Variants in INPP4B observed in about 807,000 individuals in gnomAD.
INPP4B encodes the protein inositol polyphosphate 4-phosphatase type II.
A neutral mutation model predicts 122.5 loss-of-function variants in INPP4B; 55 were observed. That is an observed-to-expected ratio of 0.45 (90% CI 0.36 to 0.56). The LOEUF is 0.56. Ranked by LOEUF, INPP4B falls within the 20% of genes least tolerant of loss-of-function variation. The pLI, the probability that INPP4B is intolerant of heterozygous loss-of-function variation, is 0.00. For missense variants in INPP4B, 1,000 were observed against 1,097.7 expected, an observed-to-expected ratio of 0.91 and a Z score of 1.26; for synonymous variants, 403 against 388.7, an observed-to-expected ratio of 1.04 and a Z score of -0.43.
At chr4:142,534,826 C>T (rs888761259) in intron 2 of INPP4B, among the ~76,000 whole-genome samples, 6 of 151,866 alleles carry the variant, frequency 4.0e-5, no homozygotes, top group Middle Eastern at 3.4e-3. Context: ...TTCCTTTTTA[C>T]GTTTTTATGA....
At chr4:142,350,064 G>A (rs148412651) in intron 7 of INPP4B, among the ~76,000 whole-genome samples, 33 of 151,928 alleles carry the variant, frequency 2.2e-4, no homozygotes, top group African/African-American at 6.5e-4. Flanking sequence ...CTACCTCTTC[G>A]GCGCTTAGAA....
intron 11 of INPP4B, among the ~76,000 whole-genome samples, chr4:142,249,018 T>C (rs1446188237): frequency 1.3e-5 from 2 of 151,896 alleles, no homozygotes; most frequent in East Asian, 1.9e-4. Flanking sequence ...AAAACAACAA[T>C]AGTAGGTGGT....
chr4:142,267,241 G>A (rs1743251256), intron 10 of INPP4B, among the ~76,000 whole-genome samples: 1 of 152,134 alleles, frequency 6.6e-6, no homozygotes, highest in Non-Finnish European at 1.5e-5. Flanking sequence ...AAAAGAGCTT[G>A]AAGAGTCAAA....
intron 1 of INPP4B, among the ~76,000 whole-genome samples, chr4:142,808,846 A>G (rs1396485577): frequency 6.6e-6 from 1 of 152,154 alleles, no homozygotes; most frequent in Non-Finnish European, 1.5e-5. Context: ...AAAATCATCT[A>G]TATCTTTTAG....
chr4:142,237,145 A>G (rs1857011047), intron 12 of INPP4B, among the ~76,000 whole-genome samples: 1 of 152,136 alleles, frequency 6.6e-6, no homozygotes. Context: ...TTAGCATAGC[A>G]TGTTTTATTC....
chr4:142,231,705 G>A (rs1239294836), intron 12 of INPP4B, among the ~76,000 whole-genome samples: 1 of 151,918 alleles, frequency 6.6e-6, no homozygotes, highest in Admixed American at 6.6e-5. Flanking sequence ...CCACTCCCTT[G>A]GAAAAGTAGA....
chr4:142,629,642 C>T (rs1248302655), intron 2 of INPP4B, among the ~76,000 whole-genome samples: 1 of 151,876 alleles, frequency 6.6e-6, no homozygotes. Context: ...CAATATAGAG[C>T]CATGAAAAAA....
chr4:142,376,383 C>A lies in INPP4B; in HGVS notation c.372+26555G>T, dbSNP rs79167934. Among the ~76,000 whole-genome samples, 654 of 152,070 alleles carry A rather than the reference C, an allele frequency of 4.3e-3. 4 individuals are homozygous for A. The highest frequency in any genetic ancestry group is 0.015 in the African/African-American group (643 of 41,530). On this transcript the variant is annotated intron_variant, in intron 7 of 25. Transcript: ENST00000262992. ...AAGTCACATATATAACCCAGCTAAC[C>A]TAAAACAGGCACCAAATGATACTGA...
At chr4:142,064,337 C>T (rs1376195262) in intron 25 of INPP4B, among the ~76,000 whole-genome samples, 1 of 152,114 alleles carries the variant, frequency 6.6e-6, no homozygotes. Flanking sequence ...AGATGAAACT[C>T]ATCAAATGCT....
chr4:142,398,575 A>G (rs1157892362), intron 7 of INPP4B, among the ~76,000 whole-genome samples: 1 of 150,952 alleles, frequency 6.6e-6, no homozygotes, highest in Non-Finnish European at 1.5e-5. Context: ...CAACAGGTAT[A>G]GTTAGACTTA....
rs542296349 is a variant in INPP4B at position 142,293,345 on chromosome 4, G to A, written c.503+12113C>T. On this transcript the variant is annotated intron_variant, in intron 9 of 25. Transcript: ENST00000262992. ...CATTTCTATTAAGCTTAAGTACATC[G>A]ATCAGGGAACTTAGCGGATCAACCA... 9.9e-5 allele frequency among the ~76,000 whole-genome samples: 15 copies of A among 151,868 alleles called. No homozygotes were observed. In the South Asian group the frequency reaches 2.9e-3, roughly 30 times the overall value.
chr4:142,567,528 G>T (rs1731889698), intron 2 of INPP4B, among the ~76,000 whole-genome samples: 1 of 152,072 alleles, frequency 6.6e-6, no homozygotes, highest in African/African-American at 2.4e-5. Context: ...CTGTAGAAAA[G>T]GTAGAATGAA....
Position 142,749,131 on chromosome 4 carries a change from T to A in INPP4B, c.-253-23230A>T, listed in dbSNP as rs909562406. 4.7e-5 allele frequency among the ~76,000 whole-genome samples: 7 copies of A among 148,714 alleles called. No homozygotes were observed. In the East Asian group the frequency reaches 1.2e-3, roughly 25 times the overall value. Reference sequence around the variant, plus strand: ...TCCAGCCTGAGTGACAGAACAAGACTCTGTCTCAAATATATATATATATAA... The same window carrying A: ...TCCAGCCTGAGTGACAGAACAAGACACTGTCTCAAATATATATATATATAA... On this transcript the variant is annotated intron_variant, in intron 1 of 25. Coordinates refer to ENST00000262992, the MANE Select transcript of INPP4B (RefSeq NM_001101669.3).
intron 9 of INPP4B, among the ~76,000 whole-genome samples, chr4:142,297,207 T>C (rs1759128179): frequency 6.6e-6 from 1 of 152,244 alleles, no homozygotes; most frequent in Non-Finnish European, 1.5e-5. Context: ...ATATTTCTTT[T>C]GCTGGTAGCT....
chr4:142,672,297 T>C (rs138672800), intron 2 of INPP4B, among the ~76,000 whole-genome samples: 303 of 152,286 alleles, frequency 2.0e-3, no homozygotes, highest in Non-Finnish European at 3.3e-3. Flanking sequence ...GTAAGTTTAC[T>C]TTTACAAGAA....
Position 142,462,403 on chromosome 4 carries a change from A to G in INPP4B, c.-127+260T>C, listed in dbSNP as rs186975300. Among the ~76,000 whole-genome samples, 656 of 152,312 alleles carry G rather than the reference A, an allele frequency of 4.3e-3. 3 individuals are homozygous for G. Among genetic ancestry groups the G allele is most frequent in the Non-Finnish European group, 6.7e-3 (458 of 68,016 alleles). On this transcript the variant is annotated intron_variant, in intron 3 of 25. Transcript: ENST00000262992. ...ATATGCATTAATTTAATAATAAGTA[A>G]TAATATTAATTTCTTAATTTCTTAA...
intron 7 of INPP4B, among the ~76,000 whole-genome samples, chr4:142,342,931 C>A (rs1241206527): frequency 6.6e-6 from 1 of 152,060 alleles, no homozygotes; most frequent in Non-Finnish European, 1.5e-5. Context: ...TAGTTAGTGG[C>A]CTCATTCCAA....
intron 5 of INPP4B, among the ~76,000 whole-genome samples, chr4:142,410,941 T>C (rs1275330807): frequency 6.6e-6 from 1 of 152,340 alleles, no homozygotes; most frequent in East Asian, 1.9e-4. Context: ...CTTTTTTCAA[T>C]AAAAGCATTT....
chr4:142,422,799 G>A (rs530821689), intron 5 of INPP4B, among the ~76,000 whole-genome samples: 1 of 152,138 alleles, frequency 6.6e-6, no homozygotes, highest in East Asian at 1.9e-4. Flanking sequence ...GGGTGACCGA[G>A]TGAAACCTTA....
Sources: allele counts gnomAD v4.1 joint callset (sites outside exome capture counted in the v4.1 genomes callset), GRCh38; gene constraint gnomAD v4.1.1; transcripts MANE v1.5; gene names NCBI Gene and HGNC (gene_info 2026-07-23, HGNC 2026-07-21).